The following WWOX variants were observed in gnomAD, a reference collection of about 807,000 sequenced individuals.
WWOX encodes WW domain-containing oxidoreductase.
In WWOX, 69 loss-of-function variants were observed where a neutral mutation model predicts 46.2. The observed-to-expected ratio is 1.49, with a 90% CI of 1.23 to 1.82. The LOEUF is 1.82. Among genes scored for constraint, WWOX ranks in the 40% most tolerant of loss-of-function variants. The pLI, the probability that WWOX is intolerant of heterozygous loss-of-function variation, is 0.00. For missense variants in WWOX, 919 were observed against 542.6 expected, an observed-to-expected ratio of 1.69 and a Z score of -6.89; for synonymous variants, 359 against 202.6, an observed-to-expected ratio of 1.77 and a Z score of -6.56.
intron 8 of WWOX, among the ~76,000 whole-genome samples, chr16:78,691,031 T>G (rs1363734460): frequency 6.6e-6 from 1 of 152,226 alleles, no homozygotes; most frequent in Non-Finnish European, 1.5e-5. Flanking sequence ...GCAGACATAC[T>G]CGATACATCT....
chr16:78,668,407 C>A (rs992837227), intron 8 of WWOX, among the ~76,000 whole-genome samples: 8 of 152,220 alleles, frequency 5.3e-5, no homozygotes, highest in African/African-American at 1.7e-4. Context: ...AGATAAATGT[C>A]GTAAGGTAAC....
intron 8 of WWOX, among the ~76,000 whole-genome samples, chr16:78,495,478 G>C (rs1671760920): frequency 6.7e-6 from 1 of 148,354 alleles, no homozygotes; most frequent in African/African-American, 2.5e-5. Context: ...TTCTCAAGGT[G>C]TAGATTTGGC....
At chr16:79,201,343 C>CTTTTTTTTT (rs5818210) in intron 8 of WWOX, among the ~76,000 whole-genome samples, 1 of 143,616 alleles carries the variant, frequency 7.0e-6, no homozygotes. Flanking sequence ...TTTTTCTTTT[C>CTTTTTTTTT]TTTTTTTTTT....
intron 8 of WWOX, among the ~76,000 whole-genome samples, chr16:78,863,299 G>A (rs1039532822): frequency 4.6e-5 from 7 of 152,228 alleles, no homozygotes; most frequent in South Asian, 2.1e-4. Flanking sequence ...GCAGACACTC[G>A]CAGTACATTC....
chr16:79,130,192 C>T (rs1266702544), intron 8 of WWOX, among the ~76,000 whole-genome samples: 2 of 152,338 alleles, frequency 1.3e-5, no homozygotes, highest in South Asian at 4.1e-4. Flanking sequence ...CCCAGAGTGT[C>T]TGATTCCTGA....
chr16:79,186,138 G>A (rs1314728391), intron 8 of WWOX, among the ~76,000 whole-genome samples: 2 of 152,126 alleles, frequency 1.3e-5, no homozygotes, highest in Non-Finnish European at 2.9e-5. Flanking sequence ...TGTTCCTAAA[G>A]GATACATCCA....
chr16:78,936,208 G>C (rs1018735171), intron 8 of WWOX, among the ~76,000 whole-genome samples: 5 of 152,128 alleles, frequency 3.3e-5, no homozygotes, highest in African/African-American at 1.2e-4. Flanking sequence ...AAGGCAGTGA[G>C]TTTAATGGTT....
At chr16:78,674,748 A>G (rs1051360824) in intron 8 of WWOX, among the ~76,000 whole-genome samples, 8 of 152,232 alleles carry the variant, frequency 5.3e-5, no homozygotes, top group African/African-American at 1.9e-4. Context: ...TATGACTGCA[A>G]CTGAAAAGAG....
At chr16:78,940,787 T>G (rs1449121614) in intron 8 of WWOX, among the ~76,000 whole-genome samples, 3 of 152,010 alleles carry the variant, frequency 2.0e-5, no homozygotes, top group Non-Finnish European at 4.4e-5. Flanking sequence ...TATCTTATTG[T>G]CCTCTTATCC....
At chr16:78,428,360 C>G (rs569760715) in intron 7 of WWOX, among the ~76,000 whole-genome samples, 34 of 152,164 alleles carry the variant, frequency 2.2e-4, no homozygotes, top group Non-Finnish European at 4.9e-4. Context: ...AGATAAGAAG[C>G]TGGCCCACCC....
At chr16:78,601,611 A>G (rs531370484) in intron 8 of WWOX, among the ~76,000 whole-genome samples, 5 of 152,366 alleles carry the variant, frequency 3.3e-5, no homozygotes, top group Admixed American at 3.3e-4. Context: ...TGTAAAATAT[A>G]TACTTTCTAA....
chr16:79,046,989 G>A (rs1333497260), intron 8 of WWOX, among the ~76,000 whole-genome samples: 1 of 152,014 alleles, frequency 6.6e-6, no homozygotes, highest in Non-Finnish European at 1.5e-5. Context: ...CTGACCCCGT[G>A]GTTTAAACAA....
chr16:78,679,671 G>C (rs970189353), intron 8 of WWOX, among the ~76,000 whole-genome samples: 3 of 152,226 alleles, frequency 2.0e-5, no homozygotes, highest in Non-Finnish European at 4.4e-5. Flanking sequence ...GCCAGGAGAA[G>C]TATTGTTTTC....
At chr16:78,387,068 C>G in intron 6 of WWOX, 120 bp downstream of exon 6, 2 of 993,456 alleles carry the variant, frequency 2.0e-6, no homozygotes, top group Non-Finnish European at 3.2e-6. Context: ...AAACAGGAGG[C>G]TCATTTATAT....
intron 8 of WWOX, among the ~76,000 whole-genome samples, chr16:78,902,355 A>G (rs911691845): frequency 2.0e-5 from 3 of 152,238 alleles, no homozygotes; most frequent in African/African-American, 7.2e-5. Flanking sequence ...TTCCCAGGGT[A>G]AAGAGTCACC....
chr16:78,339,259 C>G (rs62034408), intron 5 of WWOX, among the ~76,000 whole-genome samples: 7,930 of 116,940 alleles, frequency 0.068, 2,243 homozygotes, highest in Middle Eastern at 0.18. Context: ...TATTTTTTCC[C>G]TGGAGTTAAT....
intron 8 of WWOX, among the ~76,000 whole-genome samples, chr16:79,080,743 G>A (rs1356452425): frequency 6.6e-6 from 1 of 152,158 alleles, no homozygotes; most frequent in Non-Finnish European, 1.5e-5. Flanking sequence ...GAAGTGGGAG[G>A]ATCGCTTGAA....
At chr16:78,215,595 T>C (rs1184138727) in intron 5 of WWOX, among the ~76,000 whole-genome samples, 2 of 152,172 alleles carry the variant, frequency 1.3e-5, no homozygotes, top group Non-Finnish European at 2.9e-5. Flanking sequence ...CTTTATACAT[T>C]ACCCAGTCTC....
At chr16:79,151,674 G>A (rs571655907) in intron 8 of WWOX, among the ~76,000 whole-genome samples, 10 of 131,228 alleles carry the variant, frequency 7.6e-5, no homozygotes, top group African/African-American at 2.8e-4. Flanking sequence ...TAGAGGATAG[G>A]CAAGAAGTAA....
Sources: gnomAD v4.1 joint callset for allele counts (sites outside exome capture counted in the v4.1 genomes callset) on GRCh38, gnomAD v4.1.1 for gene constraint, MANE v1.5 for transcripts, NCBI Gene and HGNC (gene_info 2026-07-23, HGNC 2026-07-21) for gene names.